SYT14: variants seen among roughly 807,000 people sequenced by gnomAD.
SYT14 encodes the protein synaptotagmin-14.
SYT14 carries 32 observed loss-of-function variants against 74.2 expected under a neutral mutation model. That is an observed-to-expected ratio of 0.43 (90% confidence interval 0.33 to 0.58). The LOEUF (loss-of-function observed/expected upper bound fraction) is 0.58, where lower values mean the gene tolerates loss of function less well. Among genes scored for constraint, SYT14 ranks in the 20% least tolerant of loss-of-function variants. The pLI is 0.05. For synonymous variants in SYT14, 298 were observed against 337.7 expected, an observed-to-expected ratio of 0.88 and a Z score of 1.29; for missense variants, 791 against 981.8, an observed-to-expected ratio of 0.81 and a Z score of 2.60.
chr1:210,164,278 ACC>A, exon 10 of SYT14: 1 of 239,288 alleles, frequency 4.2e-6, no homozygotes, highest in Non-Finnish European at 8.5e-6. Flanking sequence ...AATAAATTGG[ACC>A]ACAATTAAAA....
rs150216574 is a variant in SYT14, at chr1:210,118,415, GAAGCA to G, written c.2034+17955_2034+17959del. Among the ~76,000 whole-genome samples, 1,441 of 152,094 alleles carry G rather than the reference GAAGCA, an allele frequency of 9.5e-3. 19 individuals carry two copies. The highest frequency in any genetic ancestry group is 0.033 in the African/African-American group (1,361 of 41,468). ...ATCTATGAAATTATATATATTTAAG[GAAGCA>G]TTTTTATTACATTACAGTGTTCCCG... On this transcript the variant is annotated intron_variant, in intron 7 of 9. Coordinates refer to ENST00000637265, the Ensembl canonical transcript of SYT14.
chr1:210,131,350 T>G (rs1394013660), intron 7 of SYT14, among the ~76,000 whole-genome samples: 2 of 152,024 alleles, frequency 1.3e-5, no homozygotes, highest in African/African-American at 4.8e-5. Flanking sequence ...TTTAAAAAAT[T>G]TTCTCCCTTT....
chr1:209,990,538 CGTATATATATGT>C (rs1386275807), intron 2 of SYT14, among the ~76,000 whole-genome samples: 1 of 40,072 alleles, frequency 2.5e-5, no homozygotes, highest in Admixed American at 2.0e-4. Context: ...TATATATATA[CGTATATATATGT>C]ATATATATAC....
At chr1:210,139,978 T>G (rs2082881768) in intron 7 of SYT14, among the ~76,000 whole-genome samples, 1 of 152,220 alleles carries the variant, frequency 6.6e-6, no homozygotes. Flanking sequence ...TCATTTCTCT[T>G]GAGTATATGT....
chr1:209,981,340 T>C (rs1407646011), intron 2 of SYT14, among the ~76,000 whole-genome samples: 5 of 152,144 alleles, frequency 3.3e-5, no homozygotes, highest in Non-Finnish European at 5.9e-5. Flanking sequence ...TAGTGCTTGC[T>C]TGGTTGGAAA....
intron 2 of SYT14, among the ~76,000 whole-genome samples, chr1:209,989,530 T>G (rs1384169497): frequency 1.3e-5 from 2 of 152,238 alleles, no homozygotes; most frequent in African/African-American, 4.8e-5. Context: ...TTAGAACATT[T>G]CATTTGATTT....
rs116499311 is a variant in SYT14, at chr1:210,057,141, G to A, written c.1312+35887G>A. Among the ~76,000 whole-genome samples, 1,199 of 152,150 alleles carry A rather than the reference G, an allele frequency of 7.9e-3. 21 individuals are homozygous for A. The highest frequency in any genetic ancestry group is 0.028 in the African/African-American group (1,142 of 41,514). ...ATTACAGGCATGAGCCACCACGCCC[G>A]ACCCCAGTTGATATTGATAATTGAA... is the stretch of plus-strand genomic sequence containing the variant. On this transcript the variant is annotated intron_variant, in intron 5 of 9. Transcript: ENST00000637265.
chr1:210,006,383 G>C (rs765458355), intron 2 of SYT14, among the ~76,000 whole-genome samples: 2 of 151,692 alleles, frequency 1.3e-5, no homozygotes, highest in African/African-American at 4.8e-5. Flanking sequence ...TTATCTCTTA[G>C]AATTATGAAT....
chr1:210,056,175 G>A (rs2081092824), intron 5 of SYT14, among the ~76,000 whole-genome samples: 1 of 152,028 alleles, frequency 6.6e-6, no homozygotes, highest in African/African-American at 2.4e-5. Flanking sequence ...TATAAAAGCT[G>A]TACTCAACTA....
At chr1:209,976,675 G>A (rs6540575) in intron 2 of SYT14, among the ~76,000 whole-genome samples, 99,816 of 151,900 alleles carry the variant, frequency 0.66, 33,773 homozygotes, top group East Asian at 0.85. Flanking sequence ...AAGAATGTAT[G>A]TTCTGTTGAT....
chr1:210,033,223 C>A (rs945069046), intron 5 of SYT14, among the ~76,000 whole-genome samples: 5 of 151,660 alleles, frequency 3.3e-5, no homozygotes, highest in African/African-American at 1.2e-4. Context: ...TAGGGATAGA[C>A]CATGAGAGTT....
At chr1:210,002,377 A>G (rs1558122222) in intron 2 of SYT14, among the ~76,000 whole-genome samples, 1 of 151,920 alleles carries the variant, frequency 6.6e-6, no homozygotes, top group Non-Finnish European at 1.5e-5. Flanking sequence ...CCTGTTTTGA[A>G]CTTTATATTG....
chr1:210,032,973 G>A (rs2102997760), intron 5 of SYT14, among the ~76,000 whole-genome samples: 1 of 151,758 alleles, frequency 6.6e-6, no homozygotes, highest in Admixed American at 6.6e-5. Context: ...TACGGGACAG[G>A]ATCATTCAGA....
At chr1:210,140,847 G>A (rs1013892545) in intron 7 of SYT14, among the ~76,000 whole-genome samples, 4 of 151,892 alleles carry the variant, frequency 2.6e-5, no homozygotes, top group East Asian at 1.9e-4. Context: ...ATTATAGTTC[G>A]TTAATCTATT....
At chr1:210,063,533 T>C (rs569288464) in intron 5 of SYT14, among the ~76,000 whole-genome samples, 7 of 152,008 alleles carry the variant, frequency 4.6e-5, no homozygotes, top group African/African-American at 1.7e-4. Context: ...TGGTGCAATT[T>C]TGAATGAGAT....
chr1:209,981,045 A>T (rs1341800569), intron 2 of SYT14, among the ~76,000 whole-genome samples: 1 of 152,054 alleles, frequency 6.6e-6, no homozygotes, highest in Non-Finnish European at 1.5e-5. Flanking sequence ...GGCAGTATGA[A>T]TTTTCATGAC....
At chr1:210,094,724 C>T (rs1414186263) in intron 6 of SYT14, 131 bp downstream of exon 5, 8 of 1,108,062 alleles carry the variant, frequency 7.2e-6, no homozygotes, top group Non-Finnish European at 1.1e-5. Flanking sequence ...AGTATCCATC[C>T]TTAATCTAAT....
intron 7 of SYT14, among the ~76,000 whole-genome samples, chr1:210,107,200 G>C (rs1017231742): frequency 6.6e-6 from 1 of 152,234 alleles, no homozygotes; most frequent in Non-Finnish European, 1.5e-5. Context: ...CCTTGGGTGA[G>C]GCAGTTCTTT....
chr1:210,131,732 A>T (rs2082678536), intron 7 of SYT14, among the ~76,000 whole-genome samples: 1 of 152,102 alleles, frequency 6.6e-6, no homozygotes, highest in Non-Finnish European at 1.5e-5. Flanking sequence ...GGCTTCTGTT[A>T]TCCTTAATGT....
Sources: gnomAD v4.1 joint callset for allele counts (sites outside exome capture counted in the v4.1 genomes callset) on GRCh38, gnomAD v4.1.1 for gene constraint, MANE v1.5 for transcripts, NCBI Gene and HGNC (gene_info 2026-07-23, HGNC 2026-07-21) for gene names.